ELAVL2: variants seen among roughly 807,000 people sequenced by gnomAD.
ELAVL2 encodes ELAV like RNA binding protein 2.
A neutral mutation model predicts 34.6 loss-of-function variants in ELAVL2; 4 were observed. The ratio of observed to expected loss-of-function variants is 0.12; its 90% CI spans 0.06 to 0.26. The LOEUF (loss-of-function observed/expected upper bound fraction) is 0.26. ELAVL2 is among the 10% of genes least tolerant of loss of function. The probability of loss-of-function intolerance (pLI) is 1.00; values close to 1 mark genes in which losing one functional copy is unlikely to be tolerated. For missense variants in ELAVL2, 432 were observed against 442.8 expected, an observed-to-expected ratio of 0.98 and a Z score of 0.22; for synonymous variants, 193 against 154.8, an observed-to-expected ratio of 1.25 and a Z score of -1.83.
intron 2 of ELAVL2, among the ~76,000 whole-genome samples, chr9:23,734,113 A>G (rs958920278): frequency 2.0e-5 from 3 of 152,202 alleles, no homozygotes; most frequent in Admixed American, 6.5e-5. Flanking sequence ...TCTGCTATTA[A>G]AAGACTGCAT....
At chr9:23,723,480 G>C (rs2044270559) in intron 3 of ELAVL2, among the ~76,000 whole-genome samples, 2 of 151,912 alleles carry the variant, frequency 1.3e-5, no homozygotes, top group South Asian at 4.2e-4. Flanking sequence ...CCAGTTAATG[G>C]GTGCAGCACA....
chr9:23,736,776 T>C (rs1428337973), intron 2 of ELAVL2, among the ~76,000 whole-genome samples: 2 of 152,254 alleles, frequency 1.3e-5, no homozygotes, highest in East Asian at 3.9e-4. Context: ...AAAACAGCCA[T>C]CCTCCACCAA....
chr9:23,815,991 G>T (rs897198042), intron 1 of ELAVL2, among the ~76,000 whole-genome samples: 2 of 152,062 alleles, frequency 1.3e-5, no homozygotes, highest in Non-Finnish European at 2.9e-5. Flanking sequence ...ACTTCACCCA[G>T]TTCTCACTAG....
intron 1 of ELAVL2, among the ~76,000 whole-genome samples, chr9:23,801,152 GAAGT>G (rs1455493316): frequency 1.3e-5 from 2 of 152,128 alleles, no homozygotes; most frequent in South Asian, 4.1e-4. Context: ...TTTCTGTTTG[GAAGT>G]AGGTACACGC....
intron 1 of ELAVL2, among the ~76,000 whole-genome samples, chr9:23,788,096 G>GCA (rs1038570600): frequency 6.6e-6 from 1 of 152,128 alleles, no homozygotes; most frequent in Non-Finnish European, 1.5e-5. Context: ...TAAGAAGGGA[G>GCA]CACAAAATGA....
the ELAVL2 span, among the ~76,000 whole-genome samples, chr9:23,837,151 C>T: frequency 6.6e-6 from 1 of 152,080 alleles, no homozygotes; most frequent in Non-Finnish European, 1.5e-5. Flanking sequence ...GGGCTCTCAG[C>T]ATATAATGTT....
At chr9:23,785,795 A>T (rs1467232088) in intron 1 of ELAVL2, among the ~76,000 whole-genome samples, 2 of 152,238 alleles carry the variant, frequency 1.3e-5, no homozygotes, top group Non-Finnish European at 2.9e-5. Flanking sequence ...ACTGGAGAGG[A>T]CACACAATGG....
At chr9:23,748,389 T>A (rs2135471948) in intron 2 of ELAVL2, among the ~76,000 whole-genome samples, 1 of 152,224 alleles carries the variant, frequency 6.6e-6, no homozygotes, top group East Asian at 1.9e-4. Flanking sequence ...CACACGGATG[T>A]TTGTCCCTGG....
chr9:23,717,655 C>A (rs147602503), intron 3 of ELAVL2, among the ~76,000 whole-genome samples: 8 of 152,110 alleles, frequency 5.3e-5, no homozygotes, highest in Non-Finnish European at 1.0e-4. Flanking sequence ...GAAATCAACA[C>A]AGAGGCCTCT....
intron 1 of ELAVL2, among the ~76,000 whole-genome samples, chr9:23,791,631 C>T (rs2060332717): frequency 6.6e-6 from 1 of 152,042 alleles, no homozygotes; most frequent in Non-Finnish European, 1.5e-5. Flanking sequence ...GGGCCCTAAT[C>T]CAATAGGATT....
At chr9:23,841,969 T>C in the ELAVL2 span, among the ~76,000 whole-genome samples, 6 of 152,184 alleles carry the variant, frequency 3.9e-5, no homozygotes, top group Non-Finnish European at 5.9e-5. Context: ...AATCAACTCA[T>C]CAGATAACAA....
chr9:23,747,925 A>T (rs10966065), intron 2 of ELAVL2, among the ~76,000 whole-genome samples: 1,727 of 151,654 alleles, frequency 0.011, 25 homozygotes, highest in African/African-American at 0.037. Flanking sequence ...TTTTTTTTTT[A>T]AAAAAAGGAC....
At chr9:23,697,098 C>T (rs569547756) in intron 5 of ELAVL2, among the ~76,000 whole-genome samples, 2 of 152,060 alleles carry the variant, frequency 1.3e-5, no homozygotes, top group South Asian at 4.2e-4. Flanking sequence ...TTAGCCTGAA[C>T]AAAATCCATT....
At chr9:23,817,965 G>A (rs549567292) in intron 1 of ELAVL2, among the ~76,000 whole-genome samples, 1 of 152,290 alleles carries the variant, frequency 6.6e-6, no homozygotes, top group African/African-American at 2.4e-5. Context: ...TTTACGTTAT[G>A]TGAAATCCTT....
intron 3 of ELAVL2, among the ~76,000 whole-genome samples, chr9:23,716,369 G>A (rs2042314358): frequency 6.6e-6 from 1 of 152,034 alleles, no homozygotes; most frequent in Non-Finnish European, 1.5e-5. Flanking sequence ...CAAAAAAGCT[G>A]TTAAGTCCTT....
chr9:23,797,890 T>C (rs1192896125), intron 1 of ELAVL2, among the ~76,000 whole-genome samples: 1 of 151,472 alleles, frequency 6.6e-6, no homozygotes, highest in Non-Finnish European at 1.5e-5. Flanking sequence ...ATCACGCCAT[T>C]GCACTCCAGC....
chr9:23,843,061 G>C, the ELAVL2 span, among the ~76,000 whole-genome samples: 1 of 152,038 alleles, frequency 6.6e-6, no homozygotes, highest in Non-Finnish European at 1.5e-5. Flanking sequence ...GGCTTTTGAA[G>C]AGCAACAATT....
chr9:23,752,102 G>T (rs767592058), intron 2 of ELAVL2, among the ~76,000 whole-genome samples: 5 of 152,056 alleles, frequency 3.3e-5, no homozygotes, highest in Non-Finnish European at 5.9e-5. Flanking sequence ...TTTACCTATG[G>T]GGGGAAAAAC....
At chr9:23,741,270 G>T (rs996902167) in intron 2 of ELAVL2, among the ~76,000 whole-genome samples, 2 of 152,132 alleles carry the variant, frequency 1.3e-5, no homozygotes, top group Non-Finnish European at 2.9e-5. Flanking sequence ...CTATGTAGAG[G>T]TAAGCAAACC....
Sources: allele counts gnomAD v4.1 joint callset (sites outside exome capture counted in the v4.1 genomes callset), GRCh38; gene constraint gnomAD v4.1.1; transcripts MANE v1.5; gene names NCBI Gene and HGNC (gene_info 2026-07-23, HGNC 2026-07-21).